The following SYT2 variants were observed in gnomAD, a reference collection of about 807,000 sequenced individuals.
The protein encoded by SYT2 is synaptotagmin 2.
A neutral mutation model predicts 39.9 loss-of-function variants in SYT2; 15 were observed. That is an observed-to-expected ratio of 0.38 (90% confidence interval 0.25 to 0.58). The LOEUF (loss-of-function observed/expected upper bound fraction) is 0.58, where lower values mean the gene tolerates loss of function less well. Ranked by LOEUF, SYT2 falls within the 20% of genes least tolerant of loss-of-function variation. The probability of loss-of-function intolerance (pLI) is 0.70; values close to 1 mark genes in which losing one functional copy is unlikely to be tolerated. For missense variants in SYT2, 389 were observed against 530.3 expected (o/e 0.73, Z 2.62); for synonymous variants, 181 against 204.5 (o/e 0.89, Z 0.98).
At chr1:202,646,553 A>C (rs777330073) in intron 1 of SYT2, among the ~76,000 whole-genome samples, 8 of 152,102 alleles carry the variant, frequency 5.3e-5, no homozygotes, top group Non-Finnish European at 1.0e-4. Flanking sequence ...TGCATCCTCA[A>C]ATCCTCATGC....
In SYT2 at chr1:202,601,213, C is replaced by T. The variant is rs1303895389; in HGVS notation, c.801+677G>A. Among the ~76,000 whole-genome samples the T allele has an allele frequency of 5.9e-5, 9 of 152,214 alleles. No individual in the cohort carries two copies. Among genetic ancestry groups the T allele is most frequent in the Non-Finnish European group, 1.2e-4 (8 of 68,040 alleles). ...AGTCAAAGCTGCTCAAAGTCAAAGC[C>T]ACCCAGGGCAAGACTGACGACATCA... On this transcript the variant is annotated intron_variant, in intron 6 of 8. Coordinates refer to ENST00000367268, the MANE Select transcript of SYT2 (RefSeq NM_177402.5). The surrounding 1 kb of genome is among the most constrained non-coding windows in gnomAD (Gnocchi z 4.0).
In SYT2 at chr1:202,607,492, T is replaced by C. The variant is rs114347819; in HGVS notation, c.-17-1703A>G. On this transcript the variant is annotated intron_variant, in intron 1 of 8. Transcript: ENST00000367268. ...CACGTTAGGTATGAGTTAACTCTCC[T>C]CTAGACTCAGGGTTCTTCTGAAGGA... is the stretch of plus-strand genomic sequence containing the variant. Among the ~76,000 whole-genome samples the C allele has an allele frequency of 1.9e-3, 282 of 152,348 alleles. 1 individual carries two copies. Among genetic ancestry groups the C allele is most frequent in the African/African-American group, 6.6e-3 (274 of 41,578 alleles).
chr1:202,641,460 C>T (rs1412640546), intron 1 of SYT2, among the ~76,000 whole-genome samples: 3 of 152,208 alleles, frequency 2.0e-5, no homozygotes, highest in African/African-American at 7.2e-5. Context: ...CAAGGTCACA[C>T]AAGGTCACAA....
intron 1 of SYT2, among the ~76,000 whole-genome samples, chr1:202,692,997 A>T (rs527763623): frequency 7.2e-5 from 11 of 152,346 alleles, no homozygotes; most frequent in Admixed American, 3.9e-4. Flanking sequence ...AAAATTTTTT[A>T]AAAATTTCAA....
At chr1:202,618,867 C>T (rs1420330414) in intron 1 of SYT2, among the ~76,000 whole-genome samples, 2 of 152,152 alleles carry the variant, frequency 1.3e-5, no homozygotes, top group African/African-American at 4.8e-5. Flanking sequence ...TCTGCTGTCC[C>T]TTCTAGAGTC....
intron 3 of SYT2, 177 bp downstream of exon 3, chr1:202,604,278 C>G (rs12037647): frequency 8.1e-5 from 53 of 652,018 alleles, no homozygotes; most frequent in African/African-American, 2.0e-4. Flanking sequence ...AAGGCCCCCC[C>G]CTCCCAGGGG....
intron 3 of SYT2, 37 bp downstream of exon 3, chr1:202,604,418 G>A: frequency 6.2e-7 from 1 of 1,603,612 alleles, no homozygotes; most frequent in Non-Finnish European, 8.5e-7. Flanking sequence ...CCTGGGCTGA[G>A]CCCCTTCCAG....
intron 1 of SYT2, among the ~76,000 whole-genome samples, chr1:202,662,236 G>A (rs916793597): frequency 6.6e-6 from 1 of 152,250 alleles, no homozygotes; most frequent in Admixed American, 6.5e-5. Flanking sequence ...GTGTATGCGA[G>A]TTGGCGGCAG....
rs1357751775 is a variant in SYT2 at position 202,628,931 on chromosome 1, G to A, written c.-17-23142C>T. On this transcript the variant is annotated intron_variant, in intron 1 of 8. Transcript: ENST00000367268. This position sits in a 1 kb window ranked among gnomAD's most constrained non-coding sequence, Gnocchi z 4.2. ...GGTTGCTTAACCTCTCTGGGCCTCA[G>A]CACTCCGTCTGCAAAATGGGAATGA... is the stretch of plus-strand genomic sequence containing the variant. Among the ~76,000 whole-genome samples, 1 of 152,202 alleles carries A rather than the reference G, an allele frequency of 6.6e-6. No individual in the cohort carries two copies. Among genetic ancestry groups the A allele is most frequent in the Non-Finnish European group, 1.5e-5 (1 of 68,044 alleles).
chr1:202,616,972 A>G (rs1691059277), intron 1 of SYT2, among the ~76,000 whole-genome samples: 1 of 152,198 alleles, frequency 6.6e-6, no homozygotes, highest in South Asian at 2.1e-4. Flanking sequence ...CACCAAGGCA[A>G]TCTTCATAAA....
chr1:202,704,509 G>A (rs370604684), intron 1 of SYT2, among the ~76,000 whole-genome samples: 3 of 152,160 alleles, frequency 2.0e-5, no homozygotes, highest in Non-Finnish European at 4.4e-5. Context: ...ACACCTGCAC[G>A]CAAGGGTTGA....
chr1:202,624,147 G>T (rs141948791), intron 1 of SYT2, among the ~76,000 whole-genome samples: 1 of 152,018 alleles, frequency 6.6e-6, no homozygotes, highest in Non-Finnish European at 1.5e-5. Flanking sequence ...TGTGTGATGT[G>T]AGTGTGCATA....
chr1:202,605,669 C>A lies in SYT2; in HGVS notation c.104G>T (p.Gly35Val), dbSNP rs1690678430. The A allele has an allele frequency of 6.2e-7, 1 of 1,613,850 alleles. No homozygotes were observed. The change falls in exon 2 of 9, where the codon GGT (glycine) becomes GTT (valine). Residue 35 changes from glycine (G) to valine (V), a missense_variant. Around this residue, in one of 4 missense-constraint regions of SYT2, gnomAD observed 280 missense variants for 335.6 expected, o/e 0.83. Transcript: ENST00000367268. ...CATGTCCTCCTGGCTCTCCCCAGCA[C>A]CCCCACTCTCAGTGGAGTTGTCCAC... ...GPVDNSTESG[G>V]AGESQEDMFA...
rs1198495261 is a variant in SYT2 at position 202,592,581 on chromosome 1, G to A, written c.*4176C>T. ...CAAGATTCTGTTCATATGTTTCTAG[G>A]TAATTATCTTCTTTTATATATAATT... On this transcript the variant is annotated 3_prime_UTR_variant, in exon 9 of 9. Transcript: ENST00000367268. The A allele has an allele frequency of 6.6e-6, 1 of 152,214 alleles. No homozygotes were observed. The highest frequency in any genetic ancestry group is 6.5e-5 in the Admixed American group (1 of 15,282). The allele number at this position is 152,214 out of a possible 1,614,324, so 9.4% of individuals were successfully genotyped here. A position where few individuals can be genotyped will look rare whatever the true frequency, so the allele number is the denominator to read the frequency against.
At position 202,602,490 on chromosome 1, in the gene SYT2, G is replaced by T; in HGVS notation, c.521C>A (p.Thr174Asn). The T allele has an allele frequency of 6.2e-7, 1 of 1,614,020 alleles. No homozygotes were observed. Among genetic ancestry groups the T allele is most frequent in the Non-Finnish European group, 8.5e-7 (1 of 1,179,972 alleles). Reference protein sequence around the residue: ...AELPALDMGGTSDPYVKVFLL... With the variant: ...AELPALDMGGNSDPYVKVFLL... ...GAAGACCTTGACATAAGGGTCTGAG[G>T]TGCCTCCCATGTCCAGGGCAGGCAG... The change falls in exon 5 of 9, where the codon ACC (threonine) becomes AAC (asparagine). Residue 174 changes from threonine (T) to asparagine (N), a missense_variant. Transcript: ENST00000367268.
chr1:202,653,748 C>T (rs1558449867), intron 1 of SYT2, among the ~76,000 whole-genome samples: 1 of 152,204 alleles, frequency 6.6e-6, no homozygotes, highest in Non-Finnish European at 1.5e-5. Context: ...TGTGTGACTA[C>T]ATCGCCACAA....
chr1:202,702,219 C>A (rs1267582522), intron 1 of SYT2, among the ~76,000 whole-genome samples: 2 of 152,212 alleles, frequency 1.3e-5, no homozygotes, highest in Admixed American at 6.5e-5. Context: ...CCTCAGACGT[C>A]TGGGGCTGGC....
At chr1:202,620,796 AGAC>A (rs897916725) in intron 1 of SYT2, among the ~76,000 whole-genome samples, 1 of 152,140 alleles carries the variant, frequency 6.6e-6, no homozygotes, top group African/African-American at 2.4e-5. Flanking sequence ...AGGTGGGGTG[AGAC>A]GACCTCGCAC....
intron 1 of SYT2, among the ~76,000 whole-genome samples, chr1:202,692,350 G>T (rs533120737): frequency 6.6e-6 from 1 of 152,256 alleles, no homozygotes; most frequent in Admixed American, 6.5e-5. Flanking sequence ...GCTGCATTTT[G>T]CCTATGGGTG....
Sources: gnomAD v4.1 joint callset for allele counts (sites outside exome capture counted in the v4.1 genomes callset) on GRCh38, gnomAD v4.1.1 for gene constraint, gnomAD v4.1.1 regional missense constraint, Gnocchi (gnomAD v3.1) non-coding constraint, MANE v1.5 for transcripts, NCBI Gene and HGNC (gene_info 2026-07-23, HGNC 2026-07-21) for gene names.